ATCAY: variants seen among roughly 807,000 people sequenced by gnomAD.
ATCAY encodes caytaxin.
Under a neutral mutation model 47.7 loss-of-function variants are expected in ATCAY, and 22 were observed. The ratio of observed to expected loss-of-function variants is 0.46; its 90% CI spans 0.33 to 0.66. The LOEUF (loss-of-function observed/expected upper bound fraction) is 0.66. Among genes scored for constraint, ATCAY ranks in the 30% least tolerant of loss-of-function variants. The probability of loss-of-function intolerance (pLI) is 0.02; values close to 1 mark genes in which losing one functional copy is unlikely to be tolerated. For missense variants in ATCAY, 452 were observed against 515.0 expected (o/e 0.88, Z 1.18); for synonymous variants, 216 against 207.6 (o/e 1.04, Z -0.35).
At position 3,907,224 on chromosome 19, in the gene ATCAY, C is replaced by A. The variant is rs150725420; in HGVS notation, c.359-510C>A. 6.6e-6 allele frequency among the ~76,000 whole-genome samples: 1 copy of A among 151,728 alleles called. No individual in the cohort carries two copies. The highest frequency in any genetic ancestry group is 1.5e-5 in the Non-Finnish European group (1 of 67,952). On this transcript the variant is annotated intron_variant, in intron 4 of 12. Transcript: ENST00000450849. The surrounding 1 kb of genome is among the most constrained non-coding windows in gnomAD (Gnocchi z 5.1). ...CTTCGGGAGGCCAGGGTAGGAGGAT[C>A]GCTTAAGGCCAGGAGTTTGAGACCA...
chr19:3,916,273 C>T (rs1233355585), intron 9 of ATCAY, among the ~76,000 whole-genome samples: 2 of 152,182 alleles, frequency 1.3e-5, no homozygotes, highest in African/African-American at 2.4e-5. Flanking sequence ...GAATGGACCA[C>T]ATTTTGTCAA....
chr19:3,897,633 T>G (rs1283715502), intron 2 of ATCAY, among the ~76,000 whole-genome samples: 4 of 151,802 alleles, frequency 2.6e-5, no homozygotes, highest in African/African-American at 9.7e-5. Context: ...TGAGGCCAAG[T>G]ACAGTGGCTC....
At chr19:3,908,569 TCTCCTCCCCGTC>T (rs1438921961) in intron 6 of ATCAY, among the ~76,000 whole-genome samples, 199 bp downstream of exon 6, 2 of 151,046 alleles carry the variant, frequency 1.3e-5, no homozygotes, top group African/African-American at 4.9e-5. Context: ...GCCACCCTGT[TCTCCTCCCCGTC>T]CTCCTCCTCC....
chr19:3,904,318 C>G (rs528836574), intron 3 of ATCAY, among the ~76,000 whole-genome samples: 12 of 152,182 alleles, frequency 7.9e-5, no homozygotes, highest in African/African-American at 2.9e-4. Flanking sequence ...AGTGAGACTC[C>G]ATCTCAAAAA....
At chr19:3,917,892 G>C in intron 10 of ATCAY, 115 bp downstream of exon 10, 1 of 1,179,134 alleles carries the variant, frequency 8.5e-7, no homozygotes, top group Non-Finnish European at 1.2e-6. Flanking sequence ...GTCCTGTGCA[G>C]GGCTCAAGAC....
chr19:3,886,364 G>C (rs1237567625), intron 2 of ATCAY, among the ~76,000 whole-genome samples: 2 of 152,086 alleles, frequency 1.3e-5, no homozygotes, highest in Non-Finnish European at 2.9e-5. Context: ...AGGCCGAGGC[G>C]GGCGGATCAT....
At chr19:3,910,927 C>A in intron 8 of ATCAY, 38 bp downstream of exon 8, 1 of 1,605,026 alleles carries the variant, frequency 6.2e-7, no homozygotes, top group Non-Finnish European at 8.5e-7. Flanking sequence ...CCAGTGGCCT[C>A]AGTGTGCGTG....
At chr19:3,889,463 G>T (rs1599277063) in intron 2 of ATCAY, among the ~76,000 whole-genome samples, 1 of 152,062 alleles carries the variant, frequency 6.6e-6, no homozygotes, top group Non-Finnish European at 1.5e-5. Context: ...CAGGTATGCT[G>T]GTGTGCACCT....
chr19:3,895,255 G>C, intron 2 of ATCAY: 1 of 454,274 alleles, frequency 2.2e-6, no homozygotes, highest in Non-Finnish European at 4.4e-6. Context: ...TCACTCTGTC[G>C]CCAGGCTGGA....
In ATCAY at chr19:3,910,515, A is replaced by G. The variant is rs114044194; in HGVS notation, c.780-288A>G. Among the ~76,000 whole-genome samples, 1,109 of 152,216 alleles carry G rather than the reference A, an allele frequency of 7.3e-3. 20 individuals carry two copies. Among genetic ancestry groups the G allele is most frequent in the African/African-American group, 0.025 (1,056 of 41,538 alleles). On this transcript the variant is annotated intron_variant, in intron 7 of 12. Transcript: ENST00000450849. The stretch of plus-strand genomic sequence containing the variant: ...TAGGGCATTAGGTGGTGAAAATACA[A>G]TCTTGGCTGCTCAAATAACTACCAA...
In ATCAY at chr19:3,927,151, G is replaced by A. The variant is rs2039073984; in HGVS notation, c.*2559G>A. 6.6e-6 allele frequency: 1 copy of A among 152,192 alleles called. No homozygotes were observed. The highest frequency in any genetic ancestry group is 1.5e-5 in the Non-Finnish European group (1 of 68,080). 9.4% of individuals were successfully genotyped at this position (152,192 alleles called of 1,614,324 possible). A position where few individuals can be genotyped will look rare whatever the true frequency, so the allele number is the denominator to read the frequency against. ...TAGAAGAATAGCTGGAACCCAGGAG[G>A]CAGAGATTGCAGTCAGCCGAGATTG... On this transcript the variant is annotated 3_prime_UTR_variant, in exon 13 of 13. Transcript: ENST00000450849.
At chr19:3,897,705 C>T (rs930624667) in intron 2 of ATCAY, among the ~76,000 whole-genome samples, 2 of 151,950 alleles carry the variant, frequency 1.3e-5, no homozygotes, top group Non-Finnish European at 2.9e-5. Context: ...CTCAGGAGTT[C>T]GAGACCAGCC....
chr19:3,882,092 C>T (rs974233231), intron 1 of ATCAY, among the ~76,000 whole-genome samples: 2 of 152,132 alleles, frequency 1.3e-5, no homozygotes, highest in Admixed American at 1.3e-4. Flanking sequence ...AGTCCCCTGT[C>T]CCCGATGCAA....
chr19:3,882,467 G>T (rs1236870947), intron 1 of ATCAY, among the ~76,000 whole-genome samples: 1 of 146,980 alleles, frequency 6.8e-6, no homozygotes, highest in African/African-American at 2.5e-5. Context: ...TCAGGCACCA[G>T]GCACCCATCA....
intron 2 of ATCAY, among the ~76,000 whole-genome samples, chr19:3,899,970 T>C (rs960278278): frequency 8.5e-5 from 13 of 152,118 alleles, no homozygotes; most frequent in Non-Finnish European, 4.4e-5. Flanking sequence ...GTACAGATAA[T>C]TCCTGTAGAC....
intron 2 of ATCAY, among the ~76,000 whole-genome samples, chr19:3,899,555 TC>T (rs2038797534): frequency 6.6e-6 from 1 of 151,974 alleles, no homozygotes; most frequent in South Asian, 2.1e-4. Flanking sequence ...CCTCAGGTGA[TC>T]CGCCCGCCTC....
intron 2 of ATCAY, among the ~76,000 whole-genome samples, chr19:3,886,747 T>C (rs1356291296): frequency 2.9e-5 from 4 of 139,784 alleles, no homozygotes; most frequent in Admixed American, 2.2e-4. Context: ...TGAGTCTCAC[T>C]CTGTCCCACA....
chr19:3,899,182 G>T (rs1035938147), intron 2 of ATCAY, among the ~76,000 whole-genome samples: 3 of 151,878 alleles, frequency 2.0e-5, no homozygotes, highest in Non-Finnish European at 4.4e-5. Flanking sequence ...CAGTGGTTAC[G>T]CAAAAACATT....
intron 2 of ATCAY, among the ~76,000 whole-genome samples, chr19:3,897,430 G>C (rs2038779528): frequency 6.6e-6 from 1 of 151,604 alleles, no homozygotes; most frequent in Admixed American, 6.6e-5. Context: ...TTCCCAAATA[G>C]CTGGGACTAC....
Sources: gnomAD v4.1 joint callset for allele counts (sites outside exome capture counted in the v4.1 genomes callset) on GRCh38, gnomAD v4.1.1 for gene constraint, Gnocchi (gnomAD v3.1) non-coding constraint, MANE v1.5 for transcripts, NCBI Gene and HGNC (gene_info 2026-07-23, HGNC 2026-07-21) for gene names.